Variants in HDAC4 observed in about 807,000 individuals in gnomAD.
HDAC4 encodes the protein histone deacetylase A.
A neutral mutation model predicts 135.1 loss-of-function variants in HDAC4; 16 were observed. That is an observed-to-expected ratio of 0.12 (90% CI 0.08 to 0.18). The LOEUF is 0.18. HDAC4 is among the 10% of genes least tolerant of loss of function. The probability of loss-of-function intolerance (pLI) is 1.00; values close to 1 mark genes in which losing one functional copy is unlikely to be tolerated. For synonymous variants in HDAC4, 685 were observed against 653.4 expected (o/e 1.05, Z -0.74); for missense variants, 1,143 against 1,511.8 (o/e 0.76, Z 4.05).
chr2:239,067,189 G>A (rs916527270), intron 23 of HDAC4, among the ~76,000 whole-genome samples: 2 of 152,228 alleles, frequency 1.3e-5, no homozygotes, highest in African/African-American at 4.8e-5. Context: ...TCTTGTGGCC[G>A]TGGCCCAGCG....
At chr2:239,205,784 A>T (rs1174212300) in intron 3 of HDAC4, among the ~76,000 whole-genome samples, 1 of 152,194 alleles carries the variant, frequency 6.6e-6, no homozygotes, top group South Asian at 2.1e-4. Flanking sequence ...GAAGTGAAGG[A>T]AAATTTAAAT....
intron 2 of HDAC4, among the ~76,000 whole-genome samples, chr2:239,342,003 G>T (rs1005685622): frequency 1.3e-5 from 2 of 152,196 alleles, no homozygotes; most frequent in African/African-American, 2.4e-5. Context: ...GGCACCATCT[G>T]TGAAGCAGAG....
chr2:239,261,620 G>T (rs2125099755), intron 2 of HDAC4, among the ~76,000 whole-genome samples: 1 of 152,336 alleles, frequency 6.6e-6, no homozygotes, highest in African/African-American at 2.4e-5. Context: ...GGAGCCTTCT[G>T]GTTCCCCCAC....
upstream of HDAC4, among the ~76,000 whole-genome samples, chr2:239,401,238 C>T (rs756954996): frequency 2.6e-4 from 39 of 149,146 alleles, no homozygotes; most frequent in South Asian, 4.2e-3. Flanking sequence ...CCCGCTGAAA[C>T]CTGCGCACAG....
chr2:239,219,363 A>G (rs1437326190), intron 3 of HDAC4, among the ~76,000 whole-genome samples: 1 of 151,986 alleles, frequency 6.6e-6, no homozygotes. Context: ...GTAAACTATC[A>G]CAAGGACAAA....
chr2:239,059,895 G>T (rs1162812768), intron 24 of HDAC4, among the ~76,000 whole-genome samples: 1 of 151,740 alleles, frequency 6.6e-6, no homozygotes, highest in South Asian at 2.1e-4. Context: ...ACAGTCCTCT[G>T]GGGGACCTTG....
chr2:239,124,506 G>A (rs1015686820), intron 12 of HDAC4, among the ~76,000 whole-genome samples: 9 of 152,270 alleles, frequency 5.9e-5, no homozygotes, highest in Non-Finnish European at 1.0e-4. Context: ...GTGTGGCCAC[G>A]TTATATGACA....
intron 7 of HDAC4, among the ~76,000 whole-genome samples, chr2:239,154,025 C>A: frequency 6.6e-6 from 1 of 152,220 alleles, no homozygotes; most frequent in South Asian, 2.1e-4. Context: ...GTAGTGCTGA[C>A]ATTTGGGATG....
rs796687273 is a variant in HDAC4 at position 239,185,528 on chromosome 2, G to A, written c.339+4305C>T. On this transcript the variant is annotated intron_variant, in intron 4 of 26. Coordinates refer to ENST00000543185, the MANE Select transcript of HDAC4 (RefSeq NM_001378414.1). ...TAGGGAGAGGTGCACAGTGTGGGGGGTGCCCTGTGCCTCCTGGGGAGAGAT... is the reference window on the plus strand; with the variant it reads ...TAGGGAGAGGTGCACAGTGTGGGGGATGCCCTGTGCCTCCTGGGGAGAGAT... Among the ~76,000 whole-genome samples, 12 of 151,944 alleles carry A rather than the reference G, an allele frequency of 7.9e-5. No homozygotes were observed. In the East Asian group the frequency reaches 9.7e-4, roughly 12 times the overall value.
intron 7 of HDAC4, chr2:239,154,845 C>T (rs1324298693): frequency 6.6e-6 from 1 of 152,242 alleles, no homozygotes; most frequent in East Asian, 1.9e-4. Flanking sequence ...TCAGTAAGAA[C>T]CACAGGCTCA....
intron 2 of HDAC4, among the ~76,000 whole-genome samples, chr2:239,344,694 C>A (rs1692502360): frequency 6.6e-6 from 1 of 152,210 alleles, no homozygotes; most frequent in African/African-American, 2.4e-5. Context: ...GGAGGATGCA[C>A]ATTCAGACAG....
At position 239,303,504 on chromosome 2, in the gene HDAC4, C is replaced by T. The variant is rs973496044; in HGVS notation, c.22+49174G>A. ...ACGGCAGCGTGCTTCCTCGATCTCC[C>T]CGCTCCTTTCTCGGGACAGCCTGTG... On this transcript the variant is annotated intron_variant, in intron 2 of 26. Transcript: ENST00000543185. The surrounding 1 kb of genome is among the most constrained non-coding windows in gnomAD (Gnocchi z 5.1). Among the ~76,000 whole-genome samples, 3 of 152,186 alleles carry T rather than the reference C, an allele frequency of 2.0e-5. No individual in the cohort carries two copies. The highest frequency in any genetic ancestry group is 7.2e-5 in the African/African-American group (3 of 41,454).
At chr2:239,151,523 GGCAGA>G (rs1432041619) in intron 7 of HDAC4, among the ~76,000 whole-genome samples, 1 of 152,226 alleles carries the variant, frequency 6.6e-6, no homozygotes, top group Admixed American at 6.5e-5. Context: ...AGGTGAGGAG[GGCAGA>G]GCTAGATGAA....
intron 3 of HDAC4, 28 bp from the exon 4 acceptor site, chr2:239,190,105 G>C (rs1168418260): frequency 6.3e-7 from 1 of 1,587,454 alleles, no homozygotes; most frequent in Non-Finnish European, 8.5e-7. Flanking sequence ...AGGAGAGCCG[G>C]TCACTGCCGC....
intron 2 of HDAC4, among the ~76,000 whole-genome samples, chr2:239,296,878 C>T (rs1034931765): frequency 3.3e-5 from 5 of 152,076 alleles, no homozygotes; most frequent in African/African-American, 1.2e-4. Flanking sequence ...CAAAAGTGGA[C>T]AGTCCTGGAG....
At chr2:239,238,060 C>T (rs960361782) in intron 2 of HDAC4, among the ~76,000 whole-genome samples, 3 of 152,128 alleles carry the variant, frequency 2.0e-5, no homozygotes, top group Non-Finnish European at 4.4e-5. Context: ...CATTCCAGGG[C>T]TTTCTCAAAG....
At chr2:239,087,073 A>G (rs187885261) in intron 19 of HDAC4, among the ~76,000 whole-genome samples, 1 of 152,284 alleles carries the variant, frequency 6.6e-6, no homozygotes, top group East Asian at 1.9e-4. Flanking sequence ...CCTCAGCTGT[A>G]TGGACCGTCG....
At chr2:239,083,943 G>T (rs570477548) in intron 20 of HDAC4, among the ~76,000 whole-genome samples, 122 of 152,338 alleles carry the variant, frequency 8.0e-4, no homozygotes, top group African/African-American at 2.9e-3. Flanking sequence ...TTTTAGACAC[G>T]CCAGGACCCC....
At chr2:239,116,910 G>A (rs962560233) in intron 12 of HDAC4, among the ~76,000 whole-genome samples, 2 of 152,176 alleles carry the variant, frequency 1.3e-5, no homozygotes, top group African/African-American at 4.8e-5. Flanking sequence ...TTCCTGATAG[G>A]GCAATGTGCC....
Sources: gnomAD v4.1 joint callset for allele counts (sites outside exome capture counted in the v4.1 genomes callset) on GRCh38, gnomAD v4.1.1 for gene constraint, Gnocchi (gnomAD v3.1) non-coding constraint, MANE v1.5 for transcripts, NCBI Gene and HGNC (gene_info 2026-07-23, HGNC 2026-07-21) for gene names.